The following SGIP1 variants were observed in gnomAD, a reference collection of about 807,000 sequenced individuals.
SGIP1 encodes SH3-containing GRB2-like protein 3-interacting protein 1.
A neutral mutation model predicts 107.5 loss-of-function variants in SGIP1; 38 were observed. That is an observed-to-expected ratio of 0.35 (90% CI 0.27 to 0.46). The LOEUF is 0.46. Among genes scored for constraint, SGIP1 ranks in the 20% least tolerant of loss-of-function variants. The probability of loss-of-function intolerance (pLI) is 1.00; values close to 1 mark genes in which losing one functional copy is unlikely to be tolerated. For synonymous variants in SGIP1, 365 were observed against 366.1 expected (o/e 1.00, Z 0.03); for missense variants, 929 against 1,019.5 (o/e 0.91, Z 1.21).
At chr1:66,737,810 T>G (rs2150714723) in intron 21 of SGIP1, among the ~76,000 whole-genome samples, 1 of 152,360 alleles carries the variant, frequency 6.6e-6, no homozygotes, top group Middle Eastern at 3.4e-3. Context: ...TGTTTAGCTG[T>G]GTTTTTGTTG....
intron 1 of SGIP1, among the ~76,000 whole-genome samples, chr1:66,540,687 A>G (rs189222295): frequency 1.5e-4 from 23 of 152,352 alleles, no homozygotes; most frequent in Non-Finnish European, 2.6e-4. Flanking sequence ...TGATTGAAGA[A>G]TTTGTTAATC....
At chr1:66,706,195 T>C (rs1006021238) in intron 18 of SGIP1, among the ~76,000 whole-genome samples, 1 of 150,962 alleles carries the variant, frequency 6.6e-6, no homozygotes, top group Non-Finnish European at 1.5e-5. Flanking sequence ...GTTTTTGTTA[T>C]AATTTGCTTC....
Position 66,750,762 on chromosome 1 carries a change from G to T in SGIP1, c.*7667G>T. On this transcript the variant is annotated 3_prime_UTR_variant, in exon 25 of 25. Coordinates refer to ENST00000371037, the MANE Select transcript of SGIP1 (RefSeq NM_032291.4). ...CTGTGCTCAAGAGAAAACCAACAAC[G>T]GAAGCGAAGACTTACTTGCTCCTTC... 7.6e-6 allele frequency among the ~76,000 whole-genome samples: 1 copy of T among 131,742 alleles called. No individual in the cohort carries two copies. The highest frequency in any genetic ancestry group is 1.9e-4 in the East Asian group (1 of 5,182). 86.4% of individuals were successfully genotyped at this position (131,742 alleles called of 152,430 possible).
intron 15 of SGIP1, 83 bp from the exon 16 acceptor site, chr1:66,689,062 AAAT>A: frequency 1.4e-6 from 2 of 1,433,168 alleles, no homozygotes; most frequent in Non-Finnish European, 1.8e-6. Context: ...AAAAAAAAAA[AAAT>A]GTCCGGGACT....
intron 19 of SGIP1, among the ~76,000 whole-genome samples, chr1:66,720,687 C>A (rs967302577): frequency 6.6e-6 from 1 of 152,176 alleles, no homozygotes; most frequent in Non-Finnish European, 1.5e-5. Context: ...GATCACACCA[C>A]TGCACTCCAG....
At chr1:66,656,538 T>C (rs960376557) in intron 7 of SGIP1, among the ~76,000 whole-genome samples, 3 of 152,128 alleles carry the variant, frequency 2.0e-5, no homozygotes, top group East Asian at 3.9e-4. Context: ...CACTAGGCAA[T>C]AGAAATTTTT....
intron 24 of SGIP1, among the ~76,000 whole-genome samples, chr1:66,742,056 C>A (rs1011776251): frequency 1.3e-5 from 2 of 152,134 alleles, no homozygotes; most frequent in Non-Finnish European, 2.9e-5. Context: ...GGTGAGCCAC[C>A]GCACCCAGCC....
At chr1:66,730,030 G>A (rs138241398) in intron 20 of SGIP1, among the ~76,000 whole-genome samples, 1,986 of 152,202 alleles carry the variant, frequency 0.013, 48 homozygotes, top group African/African-American at 0.046. Flanking sequence ...TCAAACTACT[G>A]ACCTCAAGTG....
intron 1 of SGIP1, among the ~76,000 whole-genome samples, chr1:66,609,611 GGT>G (rs1242464667): frequency 6.6e-6 from 1 of 152,142 alleles, no homozygotes. Context: ...AAATCACAGA[GGT>G]TTGCACTAGT....
intron 1 of SGIP1, among the ~76,000 whole-genome samples, chr1:66,618,525 C>T (rs2070046365): frequency 6.6e-6 from 1 of 152,250 alleles, no homozygotes; most frequent in Non-Finnish European, 1.5e-5. Flanking sequence ...AAAGAAGTTG[C>T]TTGACTCTGG....
chr1:66,586,204 T>C (rs1306712927), intron 1 of SGIP1, among the ~76,000 whole-genome samples: 2 of 152,186 alleles, frequency 1.3e-5, no homozygotes, highest in Non-Finnish European at 2.9e-5. Context: ...TTCCCATGTT[T>C]TGCCTTCAAT....
intron 18 of SGIP1, among the ~76,000 whole-genome samples, chr1:66,707,017 A>G (rs1197024622): frequency 6.6e-6 from 1 of 152,156 alleles, no homozygotes; most frequent in Non-Finnish European, 1.5e-5. Context: ...CTATTCAGAG[A>G]GTAGTAGAAA....
At chr1:66,700,927 A>G (rs1034006839) in intron 18 of SGIP1, among the ~76,000 whole-genome samples, 1 of 152,168 alleles carries the variant, frequency 6.6e-6, no homozygotes, top group African/African-American at 2.4e-5. Context: ...CAGAGAGGAA[A>G]AATACGTTTC....
At chr1:66,672,089 A>G in intron 11 of SGIP1, 94 bp downstream of exon 11, 1 of 1,148,424 alleles carries the variant, frequency 8.7e-7, no homozygotes, top group Non-Finnish European at 1.3e-6. Context: ...CTCAGCTCCC[A>G]TTAACAAAGG....
chr1:66,696,996 A>T (rs1406392557), intron 18 of SGIP1, among the ~76,000 whole-genome samples: 1 of 152,176 alleles, frequency 6.6e-6, no homozygotes, highest in Non-Finnish European at 1.5e-5. Flanking sequence ...ACACCAGATG[A>T]TGCAGTTTAC....
intron 17 of SGIP1, chr1:66,694,778 A>G (rs192304319): frequency 2.7e-4 from 95 of 354,218 alleles, no homozygotes; most frequent in African/African-American, 1.6e-3. Flanking sequence ...TACAAAGGAA[A>G]GAATAATTTA....
chr1:66,716,931 T>C (rs765792109), intron 18 of SGIP1, among the ~76,000 whole-genome samples: 33 of 152,040 alleles, frequency 2.2e-4, no homozygotes, highest in Non-Finnish European at 3.5e-4. Context: ...ATACCACACT[T>C]CCCGTGGTTT....
At position 66,719,337 on chromosome 1, in the gene SGIP1, C is replaced by A; in HGVS notation, c.1674C>A (p.Asp558Glu). The change falls in exon 19 of 25, where the codon GAC (aspartate) becomes GAA (glutamate). Residue 558 changes from aspartate to glutamate, a missense_variant. This residue lies in a region of SGIP1 where 341 missense variants were observed against 430.9 expected (regional missense o/e 0.79). Coordinates refer to ENST00000371037, the MANE Select transcript of SGIP1 (RefSeq NM_032291.4). ...GPSPLTMGAQ[D>E]TLPVAAAFTE... ...GCCCCCTAACCATGGGAGCTCAGGA[C>A]ACTCTCCCTGTTGCAGCAGCATTTA... 6.2e-7 allele frequency: 1 copy of A among 1,613,548 alleles called. No individual in the cohort carries two copies.
At chr1:66,650,819 G>C (rs1334619039) in intron 7 of SGIP1, among the ~76,000 whole-genome samples, 2 of 152,052 alleles carry the variant, frequency 1.3e-5, no homozygotes, top group Non-Finnish European at 1.5e-5. Flanking sequence ...GTTTTTCAGA[G>C]AGCCAATAAT....
Sources: gnomAD v4.1 joint callset for allele counts (sites outside exome capture counted in the v4.1 genomes callset) on GRCh38, gnomAD v4.1.1 for gene constraint, gnomAD v4.1.1 regional missense constraint, MANE v1.5 for transcripts, NCBI Gene and HGNC (gene_info 2026-07-23, HGNC 2026-07-21) for gene names.